The following MOXD1 variants were observed in gnomAD, a reference collection of about 807,000 sequenced individuals.
MOXD1 encodes monooxygenase DBH like 1, also known as DBH-like monooxygenase protein 1.
Under a neutral mutation model 66.6 loss-of-function variants are expected in MOXD1, and 62 were observed. The ratio of observed to expected loss-of-function variants is 0.93; its 90% CI spans 0.76 to 1.15. The LOEUF (loss-of-function observed/expected upper bound fraction) is 1.15. MOXD1 is among the 50% of genes most tolerant of loss of function. The pLI is 0.00. For synonymous variants in MOXD1, 303 were observed against 281.9 expected (o/e 1.07, Z -0.75); for missense variants, 847 against 754.6 (o/e 1.12, Z -1.44).
chr6:132,388,220 C>G (rs896991039), intron 1 of MOXD1, among the ~76,000 whole-genome samples: 1 of 151,360 alleles, frequency 6.6e-6, no homozygotes. Flanking sequence ...GTGTCACATA[C>G]TCTCCTAAGA....
chr6:132,377,619 C>A (rs934488990), intron 1 of MOXD1, among the ~76,000 whole-genome samples: 1 of 152,034 alleles, frequency 6.6e-6, no homozygotes, highest in Admixed American at 6.5e-5. Context: ...TGTTGATGAC[C>A]CCTTGCGCCA....
intron 1 of MOXD1, among the ~76,000 whole-genome samples, chr6:132,381,261 C>T (rs898254987): frequency 4.6e-5 from 7 of 152,160 alleles, no homozygotes; most frequent in African/African-American, 1.7e-4. Context: ...ATATTCACAG[C>T]TTTGTGGTAT....
At chr6:132,350,367 T>C (rs1408694688) in intron 4 of MOXD1, among the ~76,000 whole-genome samples, 3 of 152,192 alleles carry the variant, frequency 2.0e-5, no homozygotes, top group African/African-American at 7.2e-5. Flanking sequence ...CTCAGCACCA[T>C]TTGTTGAAAA....
chr6:132,343,273 T>A lies in MOXD1; in HGVS notation c.664-14679A>T, dbSNP rs141276776. On this transcript the variant is annotated intron_variant, in intron 4 of 11. Coordinates refer to ENST00000367963, the MANE Select transcript of MOXD1 (RefSeq NM_015529.4). ...AAATGGTGAAAATGGGCAAAATACA[T>A]GAATCAAAACTTCATGGAAGTCTGG... 5.7e-3 allele frequency among the ~76,000 whole-genome samples: 862 copies of A among 152,266 alleles called. 10 individuals carry two copies. Among genetic ancestry groups the A allele is most frequent in the African/African-American group, 0.019 (807 of 41,558 alleles).
chr6:132,351,997 G>A (rs1279734307), intron 4 of MOXD1, among the ~76,000 whole-genome samples: 1 of 152,100 alleles, frequency 6.6e-6, no homozygotes, highest in Non-Finnish European at 1.5e-5. Context: ...GTTTCTTAAT[G>A]AGGTTATTTG....
chr6:132,382,694 G>A lies in MOXD1; in HGVS notation c.265-7917C>T, dbSNP rs1562298683. Among the ~76,000 whole-genome samples the A allele has an allele frequency of 3.3e-5, 5 of 152,122 alleles. No homozygotes were observed. In the South Asian group the frequency reaches 1.0e-3, roughly 31 times the overall value. Reference sequence around the variant, plus strand: ...TTGAACACTTCGTGCTTTGAAAAATGTATGAAATATATACTTGAGGTTTCA... The same window carrying A: ...TTGAACACTTCGTGCTTTGAAAAATATATGAAATATATACTTGAGGTTTCA... On this transcript the variant is annotated intron_variant, in intron 1 of 11. Coordinates refer to ENST00000367963, the MANE Select transcript of MOXD1 (RefSeq NM_015529.4).
intron 1 of MOXD1, among the ~76,000 whole-genome samples, chr6:132,399,603 T>C (rs1776974823): frequency 6.6e-6 from 1 of 152,182 alleles, no homozygotes; most frequent in South Asian, 2.1e-4. Context: ...TGACATACAA[T>C]TGGCTGGGCT....
At chr6:132,391,407 G>T (rs927153867) in intron 1 of MOXD1, 1 of 151,974 alleles carries the variant, frequency 6.6e-6, no homozygotes, top group Non-Finnish European at 1.5e-5. Context: ...AGACATTTTT[G>T]CGTATATGCT....
At chr6:132,355,641 T>C (rs1477775307) in intron 4 of MOXD1, among the ~76,000 whole-genome samples, 1 of 152,126 alleles carries the variant, frequency 6.6e-6, no homozygotes, top group African/African-American at 2.4e-5. Context: ...CTCCTAGACC[T>C]GCTTACAACC....
intron 8 of MOXD1, among the ~76,000 whole-genome samples, chr6:132,321,682 C>T (rs955648742): frequency 6.6e-6 from 1 of 152,158 alleles, no homozygotes; most frequent in Non-Finnish European, 1.5e-5. Context: ...ATGCCATAAT[C>T]ATGGTGCGTC....
chr6:132,399,136 T>C (rs2114703847), intron 1 of MOXD1, among the ~76,000 whole-genome samples: 1 of 152,232 alleles, frequency 6.6e-6, no homozygotes, highest in East Asian at 1.9e-4. Context: ...TATTATTTGG[T>C]GTATTTCATC....
chr6:132,317,589 C>G (rs1283568630), intron 9 of MOXD1, among the ~76,000 whole-genome samples: 1 of 152,140 alleles, frequency 6.6e-6, no homozygotes, highest in African/African-American at 2.4e-5. Context: ...ATATTATCAT[C>G]TGACATTCCC....
chr6:132,382,567 C>T (rs369410437), intron 1 of MOXD1, among the ~76,000 whole-genome samples: 3 of 152,124 alleles, frequency 2.0e-5, no homozygotes, highest in Non-Finnish European at 1.5e-5. Context: ...ACTTGTTACA[C>T]CTGAAAATGA....
intron 4 of MOXD1, among the ~76,000 whole-genome samples, chr6:132,329,166 C>T (rs1185111263): frequency 6.6e-6 from 1 of 152,144 alleles, no homozygotes; most frequent in Non-Finnish European, 1.5e-5. Flanking sequence ...ACCCTGTGTC[C>T]AAGTGTTCTC....
In MOXD1 at chr6:132,374,722, T is replaced by C; in HGVS notation, c.320A>G (p.His107Arg). ...GCTATTTTCCATGGCATATTCTAGA[T>C]GGTAATCTTGCTGAGCATCTTTTTT... ...ELKKDAQQDY[H>R]LEYAMENSTH... The change falls in exon 2 of 12, where the codon CAT becomes CGT. Residue 107 changes from histidine (H) to arginine (R), a missense_variant. His to Arg is a conservative substitution (Grantham distance 29). Coordinates refer to ENST00000367963, the MANE Select transcript of MOXD1 (RefSeq NM_015529.4). The C allele has an allele frequency of 2.5e-6, 4 of 1,613,974 alleles. No individual in the cohort carries two copies. The highest frequency in any genetic ancestry group is 2.7e-5 in the African/African-American group (2 of 75,048).
At chr6:132,341,098 A>C (rs1775552128) in intron 4 of MOXD1, among the ~76,000 whole-genome samples, 1 of 152,218 alleles carries the variant, frequency 6.6e-6, no homozygotes, top group Admixed American at 6.5e-5. Context: ...TATTGGTCTG[A>C]ATGTGTCCCC....
intron 1 of MOXD1, 153 bp from the exon 2 acceptor site, chr6:132,374,930 G>T: frequency 1.4e-6 from 1 of 728,026 alleles, no homozygotes; most frequent in Non-Finnish European, 2.2e-6. Context: ...GGGGAATCAG[G>T]TCCCTGGGAA....
At chr6:132,318,094 C>G (rs1774997261) in intron 9 of MOXD1, among the ~76,000 whole-genome samples, 2 of 151,942 alleles carry the variant, frequency 1.3e-5, no homozygotes, top group South Asian at 4.1e-4. Flanking sequence ...TATTTGTTCT[C>G]CTTTTGATGG....
At chr6:132,392,115 C>A in intron 1 of MOXD1, 1 of 1,432,064 alleles carries the variant, frequency 7.0e-7, no homozygotes, top group Non-Finnish European at 9.2e-7. Flanking sequence ...CCAAACATTT[C>A]TTTGTCGCCG....
Sources: gnomAD v4.1 joint callset for allele counts (sites outside exome capture counted in the v4.1 genomes callset) on GRCh38, gnomAD v4.1.1 for gene constraint, MANE v1.5 for transcripts, NCBI Gene and HGNC (gene_info 2026-07-23, HGNC 2026-07-21) for gene names.